ST6GAL1: variants seen among roughly 807,000 people sequenced by gnomAD.
ST6GAL1 encodes the protein ST6 beta-galactoside alpha-2,6-sialyltransferase 1.
Under a neutral mutation model 38.0 loss-of-function variants are expected in ST6GAL1, and 20 were observed. That is an observed-to-expected ratio of 0.53 (90% CI 0.37 to 0.77). The LOEUF is 0.77. Among genes scored for constraint, ST6GAL1 ranks in the 30% least tolerant of loss-of-function variants. ST6GAL1 has a pLI of 0.00. For missense variants in ST6GAL1, 432 were observed against 496.4 expected (o/e 0.87, Z 1.23); for synonymous variants, 196 against 188.2 (o/e 1.04, Z -0.34).
Position 187,042,952 on chromosome 3 carries a change from C to G in ST6GAL1, c.249C>G (p.Gly83=). ...RGRQTLGSLR[G]LAKAKPEASF... is the part of the protein sequence containing the mutation. ...GCCAGACCCTCGGCAGTCTCAGAGGCCTAGCCAAGGCCAAACCAGAGGCCT... is the reference window on the plus strand; with the variant it reads ...GCCAGACCCTCGGCAGTCTCAGAGGGCTAGCCAAGGCCAAACCAGAGGCCT... The change falls in exon 4 of 8, where the codon GGC becomes GGG. Residue 83 remains glycine, a synonymous_variant. Coordinates refer to ENST00000169298, the MANE Select transcript of ST6GAL1 (RefSeq NM_173216.2). 6.2e-7 allele frequency: 1 copy of G among 1,614,204 alleles called. No individual in the cohort carries two copies. The highest frequency in any genetic ancestry group is 8.5e-7 in the Non-Finnish European group (1 of 1,180,036).
At chr3:186,971,918 C>T (rs1302155038) in intron 2 of ST6GAL1, among the ~76,000 whole-genome samples, 1 of 152,198 alleles carries the variant, frequency 6.6e-6, no homozygotes, top group Non-Finnish European at 1.5e-5. Flanking sequence ...GCTGCCATGG[C>T]CTCAAGCCTT....
chr3:187,008,373 A>AAAGGAAGG (rs550824324), intron 2 of ST6GAL1, among the ~76,000 whole-genome samples: 5 of 130,630 alleles, frequency 3.8e-5, no homozygotes, highest in African/African-American at 9.1e-5. Context: ...AGAGAAAAGG[A>AAAGGAAGG]AAGGAAGGAA....
chr3:187,071,605 C>T (rs1025163180), intron 5 of ST6GAL1, among the ~76,000 whole-genome samples: 2 of 151,306 alleles, frequency 1.3e-5, no homozygotes, highest in Non-Finnish European at 2.9e-5. Context: ...AAAAAACCCC[C>T]AAAAAATTAG....
intron 2 of ST6GAL1, among the ~76,000 whole-genome samples, chr3:186,973,333 G>T (rs1240179154): frequency 6.6e-6 from 1 of 152,184 alleles, no homozygotes; most frequent in Non-Finnish European, 1.5e-5. Context: ...ACTGCGCCCG[G>T]CCCTCTTCTG....
chr3:186,938,721 A>G (rs1022962559), intron 1 of ST6GAL1, among the ~76,000 whole-genome samples: 2 of 152,248 alleles, frequency 1.3e-5, no homozygotes, highest in Admixed American at 6.5e-5. Flanking sequence ...AATTTCAAAC[A>G]TACAAAAGCA....
chr3:186,993,069 C>A (rs1292050457), intron 2 of ST6GAL1, among the ~76,000 whole-genome samples: 1 of 152,084 alleles, frequency 6.6e-6, no homozygotes, highest in Non-Finnish European at 1.5e-5. Context: ...TGTCTCCTGG[C>A]CATAGCTGTG....
At chr3:186,959,320 C>T (rs1240878382) in intron 1 of ST6GAL1, among the ~76,000 whole-genome samples, 1 of 152,112 alleles carries the variant, frequency 6.6e-6, no homozygotes, top group African/African-American at 2.4e-5. Flanking sequence ...AGAAAAGCCC[C>T]TGGGAGGCAG....
intron 2 of ST6GAL1, among the ~76,000 whole-genome samples, chr3:186,973,546 G>A (rs1425109233): frequency 2.6e-5 from 4 of 152,176 alleles, no homozygotes; most frequent in Admixed American, 6.5e-5. Flanking sequence ...TGCCCATCAG[G>A]GGTGTCTGGG....
chr3:186,988,455 T>C (rs756053640), intron 2 of ST6GAL1, among the ~76,000 whole-genome samples: 52 of 151,552 alleles, frequency 3.4e-4, no homozygotes, highest in Non-Finnish European at 7.4e-5. Flanking sequence ...TTTAACAGCT[T>C]ACAGGAAGGA....
chr3:186,936,057 G>A (rs992598999), intron 1 of ST6GAL1, among the ~76,000 whole-genome samples: 1 of 152,162 alleles, frequency 6.6e-6, no homozygotes, highest in Admixed American at 6.5e-5. Flanking sequence ...TTCTTTGTCC[G>A]AGGGAAGTCC....
intron 2 of ST6GAL1, among the ~76,000 whole-genome samples, chr3:186,966,689 G>A (rs1387514835): frequency 2.6e-5 from 4 of 152,218 alleles, no homozygotes; most frequent in African/African-American, 7.2e-5. Context: ...TAGCACCAGA[G>A]CTGGGAGCAT....
intron 2 of ST6GAL1, among the ~76,000 whole-genome samples, chr3:186,990,761 C>T (rs765179858): frequency 2.6e-5 from 4 of 150,980 alleles, no homozygotes; most frequent in Non-Finnish European, 4.4e-5. Flanking sequence ...TGCAGTGAGC[C>T]GAGATCGTAC....
intron 2 of ST6GAL1, among the ~76,000 whole-genome samples, chr3:187,030,595 A>G (rs1690199765): frequency 6.6e-6 from 1 of 151,918 alleles, no homozygotes; most frequent in Non-Finnish European, 1.5e-5. Flanking sequence ...CACCACACCC[A>G]GCTAATTTTT....
At chr3:186,945,310 TAA>T (rs879622812) in intron 1 of ST6GAL1, among the ~76,000 whole-genome samples, 82 of 134,214 alleles carry the variant, frequency 6.1e-4, no homozygotes, top group African/African-American at 1.3e-3. Context: ...TGTCTCTATT[TAA>T]AAAAAAAAAA....
intron 5 of ST6GAL1, among the ~76,000 whole-genome samples, chr3:187,051,759 G>C (rs534562608): frequency 6.6e-6 from 1 of 152,286 alleles, no homozygotes; most frequent in Admixed American, 6.5e-5. Flanking sequence ...CTATAAGACA[G>C]TGTCACCATG....
At chr3:187,033,966 C>A (rs1717840494) in intron 2 of ST6GAL1, among the ~76,000 whole-genome samples, 1 of 151,908 alleles carries the variant, frequency 6.6e-6, no homozygotes, top group Non-Finnish European at 1.5e-5. Context: ...TCAACAGAAC[C>A]AAAAGTTGGT....
intron 2 of ST6GAL1, among the ~76,000 whole-genome samples, chr3:186,984,868 C>T (rs1423068160): frequency 7.4e-6 from 1 of 135,230 alleles, no homozygotes; most frequent in African/African-American, 2.8e-5. Flanking sequence ...TCCTTCCTTC[C>T]GTCCTTCCTT....
intron 5 of ST6GAL1, among the ~76,000 whole-genome samples, chr3:187,070,269 G>T (rs1038410184): frequency 1.3e-5 from 2 of 152,052 alleles, no homozygotes; most frequent in African/African-American, 4.8e-5. Flanking sequence ...GGTCAAGGAA[G>T]AAATAGCGAA....
intron 2 of ST6GAL1, among the ~76,000 whole-genome samples, chr3:187,024,521 G>GAGAGAT (rs1717458470): frequency 7.1e-6 from 1 of 141,030 alleles, no homozygotes; most frequent in African/African-American, 2.7e-5. Context: ...GAGAGAGAGA[G>GAGAGAT]AGTATATGTG....
Sources: allele counts gnomAD v4.1 joint callset (sites outside exome capture counted in the v4.1 genomes callset), GRCh38; gene constraint gnomAD v4.1.1; transcripts MANE v1.5; gene names NCBI Gene and HGNC (gene_info 2026-07-23, HGNC 2026-07-21).